The following SHPRH variants were observed in gnomAD, a reference collection of about 807,000 sequenced individuals.
SHPRH encodes SNF2 histone linker PHD RING helicase.
Under a neutral mutation model 202.5 loss-of-function variants are expected in SHPRH, and 106 were observed. That is an observed-to-expected ratio of 0.52 (90% confidence interval 0.45 to 0.62). The LOEUF (loss-of-function observed/expected upper bound fraction) is 0.62, where lower values mean the gene tolerates loss of function less well. Ranked by LOEUF, SHPRH falls within the 20% of genes least tolerant of loss-of-function variation. SHPRH has a pLI of 0.00. For missense variants in SHPRH, 1,710 were observed against 2,020.0 expected (o/e 0.85, Z 2.94); for synonymous variants, 729 against 686.0 (o/e 1.06, Z -0.98).
rs1164087547 is a variant in SHPRH, at chr6:145,963,913, A to G, written c.-215T>C. ...ACACCGCAGGCCCCAGTGCATGAGG[A>G]GAAGCACAGCCTCCTTTCCCACGAC... On this transcript the variant is annotated 5_prime_UTR_variant, in exon 1 of 30. Transcript: ENST00000275233. 6.6e-6 allele frequency: 1 copy of G among 152,258 alleles called. No homozygotes were observed. The highest frequency in any genetic ancestry group is 1.5e-5 in the Non-Finnish European group (1 of 68,086). The allele number at this position is 152,258 out of a possible 1,614,324, so 9.4% of individuals were successfully genotyped here. A position where few individuals can be genotyped will look rare whatever the true frequency, so the allele number is the denominator to read the frequency against.
At chr6:145,927,381 T>C (rs1489721011) in intron 14 of SHPRH, 104 bp from the exon 15 acceptor site, 3 of 1,044,180 alleles carry the variant, frequency 2.9e-6, no homozygotes, top group South Asian at 1.7e-5. Flanking sequence ...TAAAATGTAA[T>C]GATTATAACT....
In SHPRH at chr6:145,941,917, C is replaced by G. The variant is rs939288648; in HGVS notation, c.2239-43G>C. On this transcript the variant is annotated intron_variant, in intron 9 of 29. Coordinates refer to ENST00000275233, the MANE Select transcript of SHPRH (RefSeq NM_001042683.3). ...CAGGCAGTTATTGCAAAAAGGCTCA[C>G]TAAAGGCAATGAAATATTCACTCAT... 2.5e-6 allele frequency: 4 copies of G among 1,597,588 alleles called. No homozygotes were observed. In the African/African-American group the frequency reaches 5.4e-5, roughly 21 times the overall value.
rs570676461 is a variant in SHPRH, at chr6:145,894,993, C to A, written c.4516-16G>T. 11 of 1,603,172 alleles carry A rather than the reference C, an allele frequency of 6.9e-6. No individual in the cohort carries two copies. The highest frequency in any genetic ancestry group is 6.8e-6 in the Non-Finnish European group (8 of 1,171,644). On this transcript the variant is annotated splice_polypyrimidine_tract_variant and intron_variant, in intron 25 of 29. Transcript: ENST00000275233. ...AATGGCTGCCCTTTGAACACACACA[C>A]AAAATACACATTACTACTAAAAAAT...
downstream of SHPRH, among the ~76,000 whole-genome samples, chr6:145,859,472 A>T (rs1046976229): frequency 2.0e-5 from 3 of 152,040 alleles, no homozygotes; most frequent in Non-Finnish European, 4.4e-5. Context: ...CATGTAGACA[A>T]ATCGATGAGT....
At chr6:145,896,871 A>G (rs561582652) in intron 25 of SHPRH, among the ~76,000 whole-genome samples, 1 of 152,156 alleles carries the variant, frequency 6.6e-6, no homozygotes, top group South Asian at 2.1e-4. Context: ...ATACAACATA[A>G]CAAAAGGTAT....
At chr6:145,957,823 T>C (rs4896851) in intron 1 of SHPRH, among the ~76,000 whole-genome samples, 66,823 of 151,988 alleles carry the variant, frequency 0.44, 15,570 homozygotes, top group Admixed American at 0.53. Flanking sequence ...ATCCCTCTCT[T>C]AGGTATTTAT....
chr6:145,924,860 G>T lies in SHPRH; in HGVS notation c.3295-14C>A. The T allele has an allele frequency of 6.2e-7, 1 of 1,602,322 alleles. No individual in the cohort carries two copies. The highest frequency in any genetic ancestry group is 8.5e-7 in the Non-Finnish European group (1 of 1,171,134). ...CAGCTGTTTGGCCTGTGTTGAAACA[G>T]AGAATATAAACTTTCACTCCCAATC... is the stretch of plus-strand genomic sequence containing the variant. On this transcript the variant is annotated splice_polypyrimidine_tract_variant and intron_variant, in intron 16 of 29. Coordinates refer to ENST00000275233, the MANE Select transcript of SHPRH (RefSeq NM_001042683.3).
intron 16 of SHPRH, among the ~76,000 whole-genome samples, chr6:145,925,105 T>C (rs1784746220): frequency 6.6e-6 from 1 of 151,886 alleles, no homozygotes; most frequent in South Asian, 2.1e-4. Flanking sequence ...TTTAATTTTT[T>C]TTTTTAGTTA....
chr6:145,924,622 T>C, intron 17 of SHPRH, 117 bp downstream of exon 17: 2 of 724,144 alleles, frequency 2.8e-6, no homozygotes, highest in Non-Finnish European at 4.7e-6. Context: ...GGCAATGTGC[T>C]AGGTGCTAAG....
rs1052463654 is a variant in SHPRH, at chr6:145,885,764, T to C, written c.*927A>G. 1.3e-5 allele frequency: 2 copies of C among 151,822 alleles called. No individual in the cohort carries two copies. The highest frequency in any genetic ancestry group is 4.8e-5 in the African/African-American group (2 of 41,308). The allele number at this position is 151,822 out of a possible 1,614,324, so 9.4% of individuals were successfully genotyped here. A position where few individuals can be genotyped will look rare whatever the true frequency, so the allele number is the denominator to read the frequency against. On this transcript the variant is annotated 3_prime_UTR_variant, in exon 30 of 30. Coordinates refer to ENST00000275233, the MANE Select transcript of SHPRH (RefSeq NM_001042683.3). ...CTGGAGTGAAATAACAACTCTACCA[T>C]GAATTCAGATATCACTGGCTAAAAA...
At chr6:145,934,473 TAAATAAAATAAAATA>T (rs71552941) in intron 13 of SHPRH, among the ~76,000 whole-genome samples, 4 of 131,902 alleles carry the variant, frequency 3.0e-5, no homozygotes, top group South Asian at 2.4e-4. Flanking sequence ...TCTCAAAAAA[TAAATAAAATAAAATA>T]AAATAAAATA....
intron 7 of SHPRH, 39 bp downstream of exon 7, chr6:145,946,194 C>T: frequency 6.7e-7 from 1 of 1,482,416 alleles, no homozygotes; most frequent in Non-Finnish European, 9.3e-7. Flanking sequence ...GCAAAGATCA[C>T]TATAAGAAGG....
At chr6:145,883,980 T>C (rs889812013), downstream of SHPRH, 2 of 152,212 alleles carry the variant, frequency 1.3e-5, no homozygotes, top group South Asian at 2.1e-4. Context: ...GTCTCGTCGT[T>C]TAATAAACGT....
chr6:145,929,695 C>A (rs1044351335), intron 14 of SHPRH, among the ~76,000 whole-genome samples: 3 of 152,040 alleles, frequency 2.0e-5, no homozygotes, highest in Admixed American at 6.6e-5. Flanking sequence ...CAACAATACA[C>A]TGCTAGCTAA....
chr6:145,878,498 T>C (rs770013372), intron 2 of SHPRH, among the ~76,000 whole-genome samples: 7 of 152,252 alleles, frequency 4.6e-5, no homozygotes, highest in Admixed American at 6.5e-5. Context: ...ATATCTACTT[T>C]CCCAGCTGCT....
intron 1 of SHPRH, among the ~76,000 whole-genome samples, chr6:145,960,880 G>A (rs1026987520): frequency 2.6e-5 from 4 of 152,202 alleles, no homozygotes; most frequent in African/African-American, 9.7e-5. Context: ...GAGGGGTGGA[G>A]TGGAGAGGGG....
chr6:145,956,010 A>C (rs1004300019), intron 1 of SHPRH, among the ~76,000 whole-genome samples: 1 of 152,104 alleles, frequency 6.6e-6, no homozygotes, highest in African/African-American at 2.4e-5. Flanking sequence ...TCTAAAACGA[A>C]AAACACATTG....
chr6:145,902,585 G>A (rs1050546945), intron 25 of SHPRH, among the ~76,000 whole-genome samples: 5 of 151,980 alleles, frequency 3.3e-5, no homozygotes, highest in African/African-American at 1.2e-4. Context: ...CTATTTTACC[G>A]ATGTAATTTC....
In SHPRH at chr6:145,886,539, C is replaced by T; in HGVS notation, c.*152G>A. ...TATATTGAAAAGGACTCAATAAGTA[C>T]TAAGCCACTGTATAACCAGAACAAT... On this transcript the variant is annotated 3_prime_UTR_variant, in exon 30 of 30. Coordinates refer to ENST00000275233, the MANE Select transcript of SHPRH (RefSeq NM_001042683.3). 7.2e-7 allele frequency: 1 copy of T among 1,388,262 alleles called. No homozygotes were observed. The highest frequency in any genetic ancestry group is 9.8e-7 in the Non-Finnish European group (1 of 1,016,814). The allele number at this position is 1,388,262 out of a possible 1,614,324, so 86.0% of individuals were successfully genotyped here.
Sources: allele counts gnomAD v4.1 joint callset (sites outside exome capture counted in the v4.1 genomes callset), GRCh38; gene constraint gnomAD v4.1.1; transcripts MANE v1.5; gene names NCBI Gene and HGNC (gene_info 2026-07-23, HGNC 2026-07-21).